Variants in SLC41A3 observed in about 807,000 individuals in gnomAD.
SLC41A3 encodes solute carrier family 41 member 3, also known as SLC41A1-like 2.
A neutral mutation model predicts 45.4 loss-of-function variants in SLC41A3; 44 were observed. The ratio of observed to expected loss-of-function variants is 0.97; its 90% confidence interval spans 0.76 to 1.25. The LOEUF (loss-of-function observed/expected upper bound fraction) is 1.25, where lower values mean the gene tolerates loss of function less well. Ranked by LOEUF, SLC41A3 falls within the 50% of genes most tolerant of loss-of-function variation. The pLI is 0.00. For missense variants in SLC41A3, 550 were observed against 600.6 expected (o/e 0.92, Z 0.88); for synonymous variants, 256 against 252.4 (o/e 1.01, Z -0.13).
At chr3:126,074,253 A>G (rs1367476702) in intron 1 of SLC41A3, among the ~76,000 whole-genome samples, 1 of 151,830 alleles carries the variant, frequency 6.6e-6, no homozygotes, top group Non-Finnish European at 1.5e-5. Context: ...CAGACAAAGA[A>G]GGATATTTGA....
chr3:126,038,723 CT>C (rs779361676), intron 3 of SLC41A3, among the ~76,000 whole-genome samples: 2 of 152,130 alleles, frequency 1.3e-5, no homozygotes, highest in Non-Finnish European at 2.9e-5. Context: ...TGAGTTAAGA[CT>C]TTTGGGGACT....
At chr3:126,086,408 G>GGTTTTTTTTGT (rs776330275), upstream of SLC41A3, among the ~76,000 whole-genome samples, 1 of 21,184 alleles carries the variant, frequency 4.7e-5, no homozygotes. Flanking sequence ...TTGTTTTCTT[G>GGTTTTTTTTGT]TTTTTTTTTT....
rs1943492998 is a variant in SLC41A3, at chr3:126,053,819, C to T, written c.274-2769G>A. Among the ~76,000 whole-genome samples, 6 of 152,090 alleles carry T rather than the reference C, an allele frequency of 3.9e-5. No homozygotes were observed. The South Asian group carries it at 1.2e-3, about 32-fold the overall frequency. ...CCCACAAGCACCTCAAACTCCAAAT[C>T]TCCAAACTTCTCCTTGCCACCCGTG... On this transcript the variant is annotated intron_variant, in intron 2 of 10. Coordinates refer to ENST00000360370, the MANE Select transcript of SLC41A3 (RefSeq NM_017836.4).
intron 2 of SLC41A3, among the ~76,000 whole-genome samples, chr3:126,061,863 T>A (rs147352642): frequency 6.6e-6 from 1 of 152,210 alleles, no homozygotes; most frequent in Admixed American, 6.5e-5. Flanking sequence ...TTGGGCTCTG[T>A]CATCTCCTCC....
intron 1 of SLC41A3, among the ~76,000 whole-genome samples, chr3:126,072,463 A>G (rs1944668531): frequency 6.6e-6 from 1 of 152,188 alleles, no homozygotes; most frequent in African/African-American, 2.4e-5. Flanking sequence ...ATGAAGAAAA[A>G]AAGACAGAAG....
At chr3:126,018,818 C>T (rs2107684389) in intron 6 of SLC41A3, among the ~76,000 whole-genome samples, 1 of 152,346 alleles carries the variant, frequency 6.6e-6, no homozygotes, top group South Asian at 2.1e-4. Flanking sequence ...CATATAAATG[C>T]AGGCTTCAGT....
At chr3:126,100,221 C>T (rs1028249662) in intron 1 of SLC41A3, among the ~76,000 whole-genome samples, 32 of 152,146 alleles carry the variant, frequency 2.1e-4, no homozygotes, top group Non-Finnish European at 4.1e-4. Context: ...CCTCTTGCCA[C>T]GTACCGGGCC....
At chr3:126,013,593 A>AG (rs984118482) in intron 8 of SLC41A3, among the ~76,000 whole-genome samples, 12 of 150,428 alleles carry the variant, frequency 8.0e-5, no homozygotes, top group African/African-American at 2.2e-4. Context: ...AGGGAAGGTG[A>AG]GGGGAGGACA....
intron 5 of SLC41A3, chr3:126,023,183 C>T: frequency 2.0e-6 from 1 of 511,250 alleles, no homozygotes; most frequent in Admixed American, 3.3e-5. Flanking sequence ...GACCTGTGCA[C>T]ATGATGCTAA....
rs760503546 is a variant in SLC41A3, at chr3:126,006,562, A to T, written c.*454T>A. The stretch of plus-strand genomic sequence containing the variant: ...GCAGCAGTGTGGCCCACGGAGCTTG[A>T]ACCTGGTGAAGACAGCAAGTAAGCC... On this transcript the variant is annotated 3_prime_UTR_variant, in exon 11 of 11. Coordinates refer to ENST00000360370, the MANE Select transcript of SLC41A3 (RefSeq NM_017836.4). 35 of 1,597,690 alleles carry T rather than the reference A, an allele frequency of 2.2e-5. No homozygotes were observed. The South Asian group carries it at 3.9e-4, about 18-fold the overall frequency.
intron 3 of SLC41A3, 57 bp from the exon 4 acceptor site, chr3:126,033,735 C>A: frequency 6.4e-7 from 1 of 1,557,626 alleles, no homozygotes; most frequent in Non-Finnish European, 8.8e-7. Flanking sequence ...GCCAGGTCAA[C>A]CCTTCCTGGG....
chr3:126,079,254 G>A (rs1945033746), intron 1 of SLC41A3, among the ~76,000 whole-genome samples: 1 of 134,538 alleles, frequency 7.4e-6, no homozygotes, highest in Non-Finnish European at 1.6e-5. Flanking sequence ...ACACGATCAG[G>A]GATTTAAATT....
intron 3 of SLC41A3, among the ~76,000 whole-genome samples, chr3:126,044,394 T>G (rs934151743): frequency 1.3e-5 from 2 of 152,184 alleles, no homozygotes; most frequent in Admixed American, 1.3e-4. Context: ...CAATGATGAA[T>G]ACAACAACCA....
rs1371988235 is a variant in SLC41A3, at chr3:126,022,838, G to A, written c.693C>T (p.Leu231=). 1.2e-6 allele frequency: 2 copies of A among 1,614,096 alleles called. No homozygotes were observed. The highest frequency in any genetic ancestry group is 1.7e-5 in the Admixed American group (1 of 59,996). ...CCAAAGCCAGAATGGACAGTGTGAT[G>A]AGGTCTCCCAGGCTGGCTGCAATGG... The part of the protein sequence containing the change: ...ATPIAASLGD[L]ITLSILALVS... Residue 231 remains leucine (L), a synonymous_variant, in exon 6 of 11, where the codon CTC becomes CTT. Coordinates refer to ENST00000360370, the MANE Select transcript of SLC41A3 (RefSeq NM_017836.4).
upstream of SLC41A3, among the ~76,000 whole-genome samples, chr3:126,086,413 T>G (rs1945391655): frequency 7.4e-6 from 1 of 135,894 alleles, no homozygotes; most frequent in Non-Finnish European, 1.6e-5. Flanking sequence ...TTCTTGTTTT[T>G]TTTTTTTTTT....
intron 6 of SLC41A3, among the ~76,000 whole-genome samples, chr3:126,020,841 T>C (rs1287845440): frequency 6.6e-6 from 1 of 152,200 alleles, no homozygotes; most frequent in Non-Finnish European, 1.5e-5. Flanking sequence ...GGTCTTTAGA[T>C]AAACTCAACC....
chr3:126,090,677 T>C (rs1333820497), intron 1 of SLC41A3, among the ~76,000 whole-genome samples: 2 of 152,210 alleles, frequency 1.3e-5, no homozygotes, highest in Non-Finnish European at 2.9e-5. Context: ...CATGGTATTC[T>C]GAAGGCCAGA....
chr3:126,064,038 C>T (rs1478282476), intron 2 of SLC41A3, among the ~76,000 whole-genome samples: 1 of 151,248 alleles, frequency 6.6e-6, no homozygotes, highest in Admixed American at 6.7e-5. Flanking sequence ...TGGTACTCTC[C>T]CTCCTGGCCA....
chr3:126,050,080 C>T lies in SLC41A3; in HGVS notation c.381+863G>A, dbSNP rs1943225543. ...CAGGACAATCTCCCATCCCAAGGGG[C>T]TTCTCTTAGTCACCTCTGCAAGGGC... On this transcript the variant is annotated intron_variant, in intron 3 of 10. Transcript: ENST00000360370. 2.0e-5 allele frequency among the ~76,000 whole-genome samples: 3 copies of T among 152,216 alleles called. No homozygotes were observed. In the South Asian group the frequency reaches 6.2e-4, roughly 32 times the overall value.
Sources: gnomAD v4.1 joint callset for allele counts (sites outside exome capture counted in the v4.1 genomes callset) on GRCh38, gnomAD v4.1.1 for gene constraint, MANE v1.5 for transcripts, NCBI Gene and HGNC (gene_info 2026-07-23, HGNC 2026-07-21) for gene names.